Variants in TTC27 observed in about 807,000 individuals in gnomAD.
TTC27 encodes tetratricopeptide repeat domain 27.
A neutral mutation model predicts 115.9 loss-of-function variants in TTC27; 79 were observed. The ratio of observed to expected loss-of-function variants is 0.68; its 90% confidence interval spans 0.57 to 0.82. The LOEUF (loss-of-function observed/expected upper bound fraction) is 0.82, where lower values mean the gene tolerates loss of function less well. Among genes scored for constraint, TTC27 ranks in the 40% least tolerant of loss-of-function variants. The pLI is 0.00. For synonymous variants in TTC27, 401 were observed against 356.0 expected (o/e 1.13, Z -1.42); for missense variants, 1,054 against 993.1 (o/e 1.06, Z -0.82).
intron 16 of TTC27, among the ~76,000 whole-genome samples, chr2:32,809,464 C>T (rs1012689517): frequency 9.2e-5 from 14 of 152,358 alleles, no homozygotes; most frequent in African/African-American, 3.4e-4. Flanking sequence ...AGACCGTCAA[C>T]ATCAGCATCA....
At chr2:32,668,536 T>TCGTC (rs1665877156) in intron 7 of TTC27, among the ~76,000 whole-genome samples, 1 of 45,942 alleles carries the variant, frequency 2.2e-5, no homozygotes, top group Non-Finnish European at 4.2e-5. Flanking sequence ...TTTCTTCCCT[T>TCGTC]CCTCCCTCCC....
Position 32,663,451 on chromosome 2 carries a change from G to A in TTC27, c.641-852G>A, listed in dbSNP as rs569197345. Among the ~76,000 whole-genome samples, 17 of 152,258 alleles carry A rather than the reference G, an allele frequency of 1.1e-4. No individual in the cohort carries two copies. In the East Asian group the frequency reaches 1.2e-3, roughly 10 times the overall value. On this transcript the variant is annotated intron_variant, in intron 5 of 19. Transcript: ENST00000317907. ...AGTTCCACGACCCCTTGTGCTTCCC[G>A]GGTGATCGCCTCGCCCTGCTTTGGC...
At chr2:32,770,319 G>A (rs1669784361) in intron 13 of TTC27, among the ~76,000 whole-genome samples, 1 of 152,144 alleles carries the variant, frequency 6.6e-6, no homozygotes, top group Non-Finnish European at 1.5e-5. Context: ...AGAAATAGAG[G>A]GTTAAGTAAT....
In TTC27 at chr2:32,678,722, C is replaced by T. The variant is rs185668988; in HGVS notation, c.1053-134C>T. 997 of 616,156 alleles carry T rather than the reference C, an allele frequency of 1.6e-3. 5 individuals carry two copies. The highest frequency in any genetic ancestry group is 0.014 in the African/African-American group (737 of 53,520). 38.2% of individuals were successfully genotyped at this position (616,156 alleles called of 1,614,324 possible). On this transcript the variant is annotated intron_variant, in intron 8 of 19. Transcript: ENST00000317907. ...GATCACAGGTGTGAGCCACTGTGCC[C>T]GGCCCCCATAATATTTAAATATCTG...
chr2:32,722,460 G>T (rs1284957482), intron 10 of TTC27, among the ~76,000 whole-genome samples: 1 of 152,138 alleles, frequency 6.6e-6, no homozygotes, highest in Non-Finnish European at 1.5e-5. Flanking sequence ...ACACTCATAT[G>T]CCAGGTGGTA....
At chr2:32,766,479 G>T in intron 13 of TTC27, 1 of 457,128 alleles carries the variant, frequency 2.2e-6, no homozygotes, top group South Asian at 1.6e-5. Context: ...GAAGCGGGAG[G>T]CCTGAGGAGA....
Position 32,708,601 on chromosome 2 carries a change from C to A in TTC27, c.1233+5681C>A, listed in dbSNP as rs1026437811. ...GGGATTACAGGTGTGAGCCACTGCG[C>A]CCGGCCTCTTTTTTTATTTTTCTAG... On this transcript the variant is annotated intron_variant, in intron 10 of 19. Coordinates refer to ENST00000317907, the MANE Select transcript of TTC27 (RefSeq NM_017735.5). 6.6e-5 allele frequency among the ~76,000 whole-genome samples: 10 copies of A among 152,118 alleles called. No homozygotes were observed. In the East Asian group the frequency reaches 1.2e-3, roughly 18 times the overall value.
At chr2:32,818,120 TTAAAA>T (rs1304827719) in intron 19 of TTC27, among the ~76,000 whole-genome samples, 1 of 152,092 alleles carries the variant, frequency 6.6e-6, no homozygotes, top group Non-Finnish European at 1.5e-5. Context: ...TTTCCTTAAA[TTAAAA>T]TAAAACAATG....
chr2:32,630,164 A>G (rs920147295), intron 1 of TTC27, among the ~76,000 whole-genome samples: 1 of 152,224 alleles, frequency 6.6e-6, no homozygotes, highest in Non-Finnish European at 1.5e-5. Context: ...GGAGGTAGAA[A>G]GAACCAGATT....
chr2:32,658,288 A>G (rs1464398760), intron 5 of TTC27, among the ~76,000 whole-genome samples: 1 of 151,780 alleles, frequency 6.6e-6, no homozygotes, highest in African/African-American at 2.4e-5. Context: ...ATGCTTGGCT[A>G]ATTTATTGTG....
chr2:32,724,734 A>T (rs1337465529), intron 10 of TTC27, among the ~76,000 whole-genome samples: 1 of 152,196 alleles, frequency 6.6e-6, no homozygotes, highest in African/African-American at 2.4e-5. Context: ...AGACTTGGGT[A>T]TTTGGTGGAA....
intron 18 of TTC27, among the ~76,000 whole-genome samples, chr2:32,814,826 A>G (rs1263781540): frequency 6.6e-6 from 1 of 152,186 alleles, no homozygotes; most frequent in East Asian, 1.9e-4. Flanking sequence ...AGGTTTGTGT[A>G]AGTACACCCT....
chr2:32,763,798 T>G (rs2147999845), intron 13 of TTC27, among the ~76,000 whole-genome samples: 1 of 152,358 alleles, frequency 6.6e-6, no homozygotes, highest in Non-Finnish European at 1.5e-5. Flanking sequence ...CCCACTTGTT[T>G]CATTTTTGCA....
chr2:32,808,042 C>T (rs1261377546), intron 16 of TTC27, among the ~76,000 whole-genome samples: 3 of 148,266 alleles, frequency 2.0e-5, no homozygotes, highest in Non-Finnish European at 4.4e-5. Flanking sequence ...AAGTGATTCT[C>T]CTGCCTCAGC....
At chr2:32,760,671 T>C (rs1669404630) in intron 13 of TTC27, among the ~76,000 whole-genome samples, 1 of 152,320 alleles carries the variant, frequency 6.6e-6, no homozygotes, top group South Asian at 2.1e-4. Flanking sequence ...TGAAAAACTG[T>C]ATCATATCCT....
intron 19 of TTC27, 63 bp downstream of exon 19, chr2:32,817,620 A>G (rs1671549476): frequency 8.7e-6 from 12 of 1,373,202 alleles, no homozygotes; most frequent in Non-Finnish European, 7.2e-6. Flanking sequence ...GTATCAGCTT[A>G]TTGCTGTTAA....
At chr2:32,718,918 C>T (rs961815355) in intron 10 of TTC27, among the ~76,000 whole-genome samples, 1 of 152,220 alleles carries the variant, frequency 6.6e-6, no homozygotes, top group Non-Finnish European at 1.5e-5. Context: ...TTCATTCTTT[C>T]ATTCCTTTCC....
In TTC27 at chr2:32,705,254, A is replaced by G. The variant is rs565919782; in HGVS notation, c.1233+2334A>G. Among the ~76,000 whole-genome samples the G allele has an allele frequency of 1.4e-4, 22 of 152,214 alleles. No homozygotes were observed. In the South Asian group the frequency reaches 4.4e-3, roughly 30 times the overall value. ...CTTGCTTCCCTTCCCTTCTGCCATG[A>G]CTATAAGCTTCCTGAGGCTTCATCA... is the stretch of plus-strand genomic sequence containing the variant. On this transcript the variant is annotated intron_variant, in intron 10 of 19. Transcript: ENST00000317907.
intron 9 of TTC27, among the ~76,000 whole-genome samples, chr2:32,688,883 A>C (rs1485104884): frequency 3.3e-5 from 5 of 152,086 alleles, no homozygotes; most frequent in Admixed American, 6.6e-5. Flanking sequence ...GAGAAATGAA[A>C]GTATATGTCC....
Sources: allele counts gnomAD v4.1 joint callset (sites outside exome capture counted in the v4.1 genomes callset), GRCh38; gene constraint gnomAD v4.1.1; transcripts MANE v1.5; gene names NCBI Gene and HGNC (gene_info 2026-07-23, HGNC 2026-07-21).